Variants in ATL3 observed in about 807,000 individuals in gnomAD.
ATL3 encodes the protein atlastin-3.
A neutral mutation model predicts 69.5 loss-of-function variants in ATL3; 49 were observed. The observed-to-expected ratio is 0.71, with a 90% CI of 0.56 to 0.89. The LOEUF is 0.89. Ranked by LOEUF, ATL3 falls within the 40% of genes least tolerant of loss-of-function variation. The pLI is 0.00. For synonymous variants in ATL3, 214 were observed against 224.1 expected (o/e 0.95, Z 0.40); for missense variants, 606 against 645.7 (o/e 0.94, Z 0.67).
chr11:63,670,166 A>G (rs1179340719), intron 1 of ATL3, among the ~76,000 whole-genome samples: 1 of 152,158 alleles, frequency 6.6e-6, no homozygotes, highest in African/African-American at 2.4e-5. Context: ...TTCTCAGCCA[A>G]GTGTTTACAG....
chr11:63,660,062 TA>T lies in ATL3; in HGVS notation c.47-811del, dbSNP rs35361123. The stretch of plus-strand genomic sequence containing the variant: ...AAAAATAAATAAAATAAAATGTTGT[TA>T]AAAAAAAAAAGACCCTGTCTCAAAG... On this transcript the variant is annotated intron_variant, in intron 1 of 12. Coordinates refer to ENST00000398868, the MANE Select transcript of ATL3 (RefSeq NM_015459.5). Among the ~76,000 whole-genome samples, 253 of 141,214 alleles carry T rather than the reference TA, an allele frequency of 1.8e-3. 1 individual carries two copies. The highest frequency in any genetic ancestry group is 0.012 in the South Asian group (56 of 4,508). The allele number at this position is 141,214 out of a possible 152,430, so 92.6% of individuals were successfully genotyped here.
chr11:63,670,468 C>T (rs575409545), intron 1 of ATL3: 2 of 152,286 alleles, frequency 1.3e-5, no homozygotes, highest in Admixed American at 6.5e-5. Flanking sequence ...TTTTGCTCTT[C>T]GATTTCGCAA....
chr11:63,636,903 A>G (rs1201585498), intron 8 of ATL3, among the ~76,000 whole-genome samples: 4 of 152,186 alleles, frequency 2.6e-5, no homozygotes, highest in Non-Finnish European at 5.9e-5. Flanking sequence ...ATAGAATACT[A>G]TATATGCAGA....
intron 6 of ATL3, among the ~76,000 whole-genome samples, chr11:63,645,081 C>CA (rs973869972): frequency 6.7e-6 from 1 of 148,218 alleles, no homozygotes; most frequent in African/African-American, 2.5e-5. Context: ...ACTCTGTCTC[C>CA]AAAAAAGAAA....
chr11:63,651,232 G>A (rs896004357), intron 5 of ATL3, among the ~76,000 whole-genome samples: 13 of 151,940 alleles, frequency 8.6e-5, no homozygotes, highest in Non-Finnish European at 1.5e-4. Flanking sequence ...CGAGGCAGGC[G>A]GATCACGAGG....
At chr11:63,635,621 A>G in intron 9 of ATL3, 31 bp from the exon 10 acceptor site, 3 of 1,496,308 alleles carry the variant, frequency 2.0e-6, no homozygotes, top group South Asian at 2.3e-5. Context: ...ACTGCTATAA[A>G]ATGTTATTCA....
At position 63,636,351 on chromosome 11, in the gene ATL3, AAAG is replaced by A. The variant is rs778541847; in HGVS notation, c.851-20_851-18del. On this transcript the variant is annotated intron_variant, in intron 8 of 12. Coordinates refer to ENST00000398868, the MANE Select transcript of ATL3 (RefSeq NM_015459.5). ...CAGCAATATCTGTTCACAGGACGAC[AAAG>A]AAGGGAAAAATAAGCCAAACAGCCT... 3.0e-5 allele frequency: 48 copies of A among 1,613,618 alleles called. No individual in the cohort carries two copies. The highest frequency in any genetic ancestry group is 8.8e-5 in the South Asian group (8 of 90,976).
At chr11:63,671,090 C>T (rs1432485393) in intron 1 of ATL3, among the ~76,000 whole-genome samples, 200 bp downstream of exon 1, 1 of 152,200 alleles carries the variant, frequency 6.6e-6, no homozygotes, top group Non-Finnish European at 1.5e-5. Context: ...AGGAAGGTGC[C>T]GCCCTCGCTG....
At chr11:63,644,370 A>T (rs867719561) in intron 6 of ATL3, 109 bp from the exon 7 acceptor site, 5 of 577,294 alleles carry the variant, frequency 8.7e-6, no homozygotes, top group Non-Finnish European at 1.2e-5. Context: ...GGGGTAAAGT[A>T]GAAGGATTTA....
rs966830141 is a variant in ATL3, at chr11:63,626,377, C to A, written c.*2942G>T. Reference sequence around the variant, plus strand: ...CTGGGCGACAGAGCGAGACCTCTGTCTCAAAAAATAAAATAAAATAAAACA... The same window carrying A: ...CTGGGCGACAGAGCGAGACCTCTGTATCAAAAAATAAAATAAAATAAAACA... On this transcript the variant is annotated 3_prime_UTR_variant, in exon 13 of 13. Coordinates refer to ENST00000398868, the MANE Select transcript of ATL3 (RefSeq NM_015459.5). 6.6e-6 allele frequency: 1 copy of A among 152,006 alleles called. No individual in the cohort carries two copies. The highest frequency in any genetic ancestry group is 6.6e-5 in the Admixed American group (1 of 15,258). 9.4% of individuals were successfully genotyped at this position (152,006 alleles called of 1,614,324 possible).
intron 1 of ATL3, among the ~76,000 whole-genome samples, chr11:63,668,953 T>C (rs1411086761): frequency 6.8e-6 from 1 of 147,262 alleles, no homozygotes; most frequent in Non-Finnish European, 1.5e-5. Context: ...GCCTCCTGAG[T>C]AGCCAGAACT....
chr11:63,669,336 A>G (rs1004796943), intron 1 of ATL3, among the ~76,000 whole-genome samples: 4 of 152,040 alleles, frequency 2.6e-5, no homozygotes, highest in African/African-American at 9.6e-5. Context: ...GGAGTTCAAG[A>G]TCAGCCTGGC....
chr11:63,640,937 C>G (rs978185953), intron 8 of ATL3, among the ~76,000 whole-genome samples: 1 of 152,062 alleles, frequency 6.6e-6, no homozygotes, highest in Admixed American at 6.6e-5. Context: ...TTAAATAGTT[C>G]CTTAGGATAA....
Position 63,632,215 on chromosome 11 carries a change from T to G in ATL3, c.1108-744A>C. The G allele has an allele frequency of 6.2e-6, 4 of 649,310 alleles. No individual in the cohort carries two copies. The South Asian group carries it at 6.5e-5, about 10-fold the overall frequency. The allele number at this position is 649,310 out of a possible 1,614,324, so 40.2% of individuals were successfully genotyped here. A position where few individuals can be genotyped will look rare whatever the true frequency, so the allele number is the denominator to read the frequency against. On this transcript the variant is annotated intron_variant, in intron 11 of 12. Transcript: ENST00000398868. Reference sequence around the variant, plus strand: ...ATGACCAATGGTGGCAGAGTCTACATAGAACTATGCTTCGTGGTGCTCTGG... The same window carrying G: ...ATGACCAATGGTGGCAGAGTCTACAGAGAACTATGCTTCGTGGTGCTCTGG...
intron 3 of ATL3, among the ~76,000 whole-genome samples, chr11:63,653,756 A>G (rs1289492415): frequency 2.0e-5 from 3 of 152,256 alleles, no homozygotes; most frequent in Non-Finnish European, 4.4e-5. Flanking sequence ...TGCATATTGT[A>G]TGATTCTAAC....
chr11:63,642,689 G>C (rs1939738816), intron 8 of ATL3, among the ~76,000 whole-genome samples: 1 of 152,150 alleles, frequency 6.6e-6, no homozygotes, highest in Non-Finnish European at 1.5e-5. Context: ...TAAAGGAAAT[G>C]ACATCAAAGT....
chr11:63,632,517 A>G, intron 11 of ATL3: 2 of 858,204 alleles, frequency 2.3e-6, no homozygotes, highest in Non-Finnish European at 4.1e-6. Flanking sequence ...CTAGTCCATC[A>G]GATTTCTTTA....
At chr11:63,671,831 C>G (rs1035899848), upstream of ATL3, 11 of 903,410 alleles carry the variant, frequency 1.2e-5, no homozygotes, top group African/African-American at 1.5e-4. Flanking sequence ...GAGCTGCGGC[C>G]GGCGCCTAAC....
At chr11:63,630,564 G>A (rs561328175) in intron 12 of ATL3, among the ~76,000 whole-genome samples, 4 of 152,126 alleles carry the variant, frequency 2.6e-5, no homozygotes, top group South Asian at 2.1e-4. Context: ...TTGGGAGGCC[G>A]AGGCAGGCGG....
Sources: gnomAD v4.1 joint callset for allele counts (sites outside exome capture counted in the v4.1 genomes callset) on GRCh38, gnomAD v4.1.1 for gene constraint, MANE v1.5 for transcripts, NCBI Gene and HGNC (gene_info 2026-07-23, HGNC 2026-07-21) for gene names.